Variants in SS18 observed in about 807,000 individuals in gnomAD.
The protein encoded by SS18 is protein SSXT.
SS18 carries 28 observed loss-of-function variants against 72.5 expected under a neutral mutation model. That is an observed-to-expected ratio of 0.39 (90% confidence interval 0.29 to 0.53). SS18 has a LOEUF of 0.53. Ranked by LOEUF, SS18 falls within the 20% of genes least tolerant of loss-of-function variation. The pLI is 0.76. For synonymous variants in SS18, 172 were observed against 164.2 expected (o/e 1.05, Z -0.37); for missense variants, 518 against 535.3 (o/e 0.97, Z 0.32).
At position 26,082,525 on chromosome 18, in the gene SS18, C is replaced by T. The variant is rs1380627164; in HGVS notation, c.147-4365G>A. On this transcript the variant is annotated intron_variant, in intron 2 of 10. Coordinates refer to ENST00000415083, the MANE Select transcript of SS18 (RefSeq NM_001007559.3). ...ATGCAACTCTGGAATAGTTTGGACT[C>T]ACCCTAAAATGCAAAAAATAAGAAA... The T allele has an allele frequency of 3.0e-6, 3 of 984,926 alleles. No homozygotes were observed. The African/African-American group carries it at 5.2e-5, about 17-fold the overall frequency. The allele number at this position is 984,926 out of a possible 1,614,324, so 61.0% of individuals were successfully genotyped here.
intron 1 of SS18, chr18:26,089,858 A>G (rs1022264807): frequency 6.6e-6 from 1 of 152,420 alleles, no homozygotes; most frequent in Non-Finnish European, 1.5e-5. Context: ...TAGGCGCTCA[A>G]TAAATATTTG....
chr18:26,087,456 C>G lies in SS18; in HGVS notation c.146+45G>C, dbSNP rs374088749. ...TGTTAGTAAAAAGTAAAAAATTAAC[C>G]AATACAAAAAACTGAATAAAAAAAA... On this transcript the variant is annotated intron_variant, in intron 2 of 10. Transcript: ENST00000415083. 74 of 1,074,198 alleles carry G rather than the reference C, an allele frequency of 6.9e-5. No homozygotes were observed. The African/African-American group carries it at 1.1e-3, about 15-fold the overall frequency. The allele number at this position is 1,074,198 out of a possible 1,614,324, so 66.5% of individuals were successfully genotyped here. A position where few individuals can be genotyped will look rare whatever the true frequency, so the allele number is the denominator to read the frequency against.
chr18:26,051,706 A>G (rs975627160), intron 5 of SS18, among the ~76,000 whole-genome samples: 43 of 152,024 alleles, frequency 2.8e-4, no homozygotes, highest in Non-Finnish European at 1.3e-4. Context: ...ACTTTGGGGG[A>G]AAAAAATGTA....
intron 3 of SS18, among the ~76,000 whole-genome samples, chr18:26,065,839 T>G (rs1027121921): frequency 2.8e-5 from 1 of 35,544 alleles, no homozygotes; most frequent in Non-Finnish European, 9.5e-5. Flanking sequence ...ATTTTAAAAT[T>G]TTAAGCCCTT....
chr18:26,075,245 A>T (rs1568027734), intron 3 of SS18, among the ~76,000 whole-genome samples: 1 of 151,960 alleles, frequency 6.6e-6, no homozygotes, highest in Non-Finnish European at 1.5e-5. Context: ...GCCTCAAAAT[A>T]AAAACCAGAC....
rs1472362148 is a variant in SS18 at position 26,039,535 on chromosome 18, A to G, written c.608-79T>C. The G allele has an allele frequency of 1.1e-5, 14 of 1,330,720 alleles. No individual in the cohort carries two copies. In the Admixed American group the frequency reaches 2.1e-4, roughly 20 times the overall value. The allele number at this position is 1,330,720 out of a possible 1,614,324, so 82.4% of individuals were successfully genotyped here. ...CTCAAGAGAAATAAGATAATCTTTTATCATATAGTCCCAAAAATATATAAT... is the reference window on the plus strand; with the variant it reads ...CTCAAGAGAAATAAGATAATCTTTTGTCATATAGTCCCAAAAATATATAAT... On this transcript the variant is annotated intron_variant, in intron 5 of 10. Coordinates refer to ENST00000415083, the MANE Select transcript of SS18 (RefSeq NM_001007559.3).
chr18:26,076,340 G>A (rs898116341), intron 3 of SS18, among the ~76,000 whole-genome samples: 2 of 149,554 alleles, frequency 1.3e-5, no homozygotes, highest in Admixed American at 6.7e-5. Context: ...CCAAGGAAAC[G>A]ATATAAACAG....
chr18:26,055,851 G>C lies in SS18; in HGVS notation c.385+1738C>G, dbSNP rs1209527139. Among the ~76,000 whole-genome samples, 6 of 150,032 alleles carry C rather than the reference G, an allele frequency of 4.0e-5. No homozygotes were observed. In the East Asian group the frequency reaches 1.2e-3, roughly 30 times the overall value. On this transcript the variant is annotated intron_variant, in intron 4 of 10. Transcript: ENST00000415083. The stretch of plus-strand genomic sequence containing the variant: ...CGGCTCACTGCAACCTCCGCCTCCT[G>C]GGTTCAAGTGATTCTCCTGCCTCAG...
At chr18:26,060,940 A>G (rs995459915) in intron 3 of SS18, among the ~76,000 whole-genome samples, 3 of 150,272 alleles carry the variant, frequency 2.0e-5, no homozygotes, top group Non-Finnish European at 3.0e-5. Context: ...TGGGAGACAG[A>G]GCAAAACTTT....
chr18:26,027,867 CAGG>C (rs1478850116), intron 10 of SS18, among the ~76,000 whole-genome samples: 1 of 151,708 alleles, frequency 6.6e-6, no homozygotes, highest in East Asian at 1.9e-4. Flanking sequence ...GAAGAAAGTA[CAGG>C]AGAAAATCTT....
At chr18:26,026,224 C>T (rs1386730063) in intron 10 of SS18, among the ~76,000 whole-genome samples, 1 of 152,104 alleles carries the variant, frequency 6.6e-6, no homozygotes, top group Non-Finnish European at 1.5e-5. Flanking sequence ...TCTTGAACTC[C>T]TGGACTCAAG....
At chr18:26,047,470 T>C (rs1044087155) in intron 5 of SS18, among the ~76,000 whole-genome samples, 1 of 4,972 alleles carries the variant, frequency 2.0e-4, no homozygotes, top group African/African-American at 2.2e-4. Context: ...AGTTCTGATA[T>C]AATTGGGAAA....
intron 10 of SS18, among the ~76,000 whole-genome samples, chr18:26,029,860 A>G (rs986693252): frequency 6.6e-5 from 10 of 152,332 alleles, no homozygotes; most frequent in South Asian, 2.1e-4. Context: ...GGGGCTAAAG[A>G]TAAGGTTAAA....
chr18:26,083,395 T>A (rs1156900065), intron 2 of SS18, among the ~76,000 whole-genome samples: 3 of 152,210 alleles, frequency 2.0e-5, no homozygotes, highest in African/African-American at 7.2e-5. Context: ...TAATTTCAGT[T>A]ATTCATCACT....
chr18:26,038,540 A>T lies in SS18; in HGVS notation c.880+15T>A, dbSNP rs2053664743. On this transcript the variant is annotated intron_variant, in intron 7 of 10. Coordinates refer to ENST00000415083, the MANE Select transcript of SS18 (RefSeq NM_001007559.3). ...AGGGATAGAAAATGGGAAAGTTAACATCAGGAGAGATTACCATCAGGGTAA... is the reference window on the plus strand; with the variant it reads ...AGGGATAGAAAATGGGAAAGTTAACTTCAGGAGAGATTACCATCAGGGTAA... The T allele has an allele frequency of 6.2e-7, 1 of 1,604,216 alleles. No individual in the cohort carries two copies. Among genetic ancestry groups the T allele is most frequent in the Non-Finnish European group, 8.5e-7 (1 of 1,171,352 alleles).
chr18:26,061,872 T>G (rs1478844502), intron 3 of SS18, among the ~76,000 whole-genome samples: 1 of 152,148 alleles, frequency 6.6e-6, no homozygotes, highest in Non-Finnish European at 1.5e-5. Context: ...AAAGTATATG[T>G]GGATAAATAC....
intron 5 of SS18, among the ~76,000 whole-genome samples, chr18:26,041,138 GTAA>G: frequency 6.6e-6 from 1 of 152,156 alleles, no homozygotes; most frequent in Non-Finnish European, 1.5e-5. Flanking sequence ...TAACAAATTC[GTAA>G]GCCAGGAGTG....
At chr18:26,044,328 ATTTT>A (rs56030633) in intron 5 of SS18, among the ~76,000 whole-genome samples, 1 of 140,480 alleles carries the variant, frequency 7.1e-6, no homozygotes, top group African/African-American at 2.7e-5. Context: ...ATTTTTTTAG[ATTTT>A]TTTTTTTTTT....
Position 26,035,955 on chromosome 18 carries a change from C to T in SS18, c.881-32G>A, listed in dbSNP as rs752632353. The stretch of plus-strand genomic sequence containing the variant: ...CAATTCGACAAGAGACAGGAAGAAA[C>T]GTTAATGGCCACTGAGTGAAAACCC... On this transcript the variant is annotated intron_variant, in intron 7 of 10. Transcript: ENST00000415083. The surrounding 1 kb of genome is among the most constrained non-coding windows in gnomAD (Gnocchi z 4.4). The T allele has an allele frequency of 3.6e-6, 5 of 1,393,776 alleles. No homozygotes were observed. The South Asian group carries it at 3.7e-5, about 10-fold the overall frequency. 86.3% of individuals were successfully genotyped at this position (1,393,776 alleles called of 1,614,324 possible).
Sources: gnomAD v4.1 joint callset for allele counts (sites outside exome capture counted in the v4.1 genomes callset) on GRCh38, gnomAD v4.1.1 for gene constraint, Gnocchi (gnomAD v3.1) non-coding constraint, MANE v1.5 for transcripts, NCBI Gene and HGNC (gene_info 2026-07-23, HGNC 2026-07-21) for gene names.